OR51B5: variants seen among roughly 807,000 people sequenced by gnomAD.
OR51B5 encodes olfactory receptor 51B5.
For missense variants in OR51B5, 456 were observed against 374.6 expected, an observed-to-expected ratio of 1.22 and a Z score of -1.79; for synonymous variants, 186 against 144.8, an observed-to-expected ratio of 1.28 and a Z score of -2.04.
chr11:5,399,070 G>A (rs1168567238), intron 1 of OR51B5, among the ~76,000 whole-genome samples: 1 of 152,188 alleles, frequency 6.6e-6, no homozygotes, highest in Non-Finnish European at 1.5e-5. Context: ...CTGGCAGAAG[G>A]AGAGGAATCA....
rs1851516182 is a variant in OR51B5, at chr11:5,487,571, TC to T, written n.84+17997del. Among the ~76,000 whole-genome samples, 5 of 152,284 alleles carry T rather than the reference TC, an allele frequency of 3.3e-5. No individual in the cohort carries two copies. In the South Asian group the frequency reaches 1.0e-3, roughly 32 times the overall value. On this transcript the variant is annotated intron_variant and non_coding_transcript_variant, in intron 1 of 4. Coordinates refer to the OR51B5 transcript ENST00000415970. ...AATGTTACAGAATCGGGGCTAAAAT[TC>T]AGATTTCCTGGCATTTCTACTCAGA...
intron 1 of OR51B5, among the ~76,000 whole-genome samples, chr11:5,501,723 A>G (rs1564834822): frequency 6.7e-6 from 1 of 148,362 alleles, no homozygotes; most frequent in African/African-American, 2.4e-5. Context: ...TTATATGCAC[A>G]GAATTTACCA....
chr11:5,341,367 A>G (rs1234071418), downstream of OR51B5: 3 of 152,208 alleles, frequency 2.0e-5, no homozygotes, highest in Non-Finnish European at 4.4e-5. Context: ...AACAACCTGC[A>G]GAAAGCAGAA....
chr11:5,478,881 C>T (rs912364680), intron 1 of OR51B5, among the ~76,000 whole-genome samples: 7 of 150,744 alleles, frequency 4.6e-5, no homozygotes, highest in African/African-American at 1.7e-4. Flanking sequence ...AAATCTACGT[C>T]TGATTGGTGG....
intron 1 of OR51B5, among the ~76,000 whole-genome samples, chr11:5,485,881 G>A (rs1404272932): frequency 6.6e-6 from 1 of 152,084 alleles, no homozygotes; most frequent in Non-Finnish European, 1.5e-5. Context: ...ATCTCAGAAT[G>A]TGACTGTATT....
At position 5,343,298 on chromosome 11, in the gene OR51B5, A is replaced by T. The variant is rs370740392; in HGVS notation, c.227T>A (p.Met76Lys). Residue 76 changes from methionine (M) to lysine (K), a missense_variant, in exon 1 of 1, where the codon ATG becomes AAG. By Grantham distance (95) the Met-to-Lys change is moderately conservative. Transcript: ENST00000300773. Reference sequence around the variant, plus strand: ...CCAGAGGACTCCCAGCACCGTGGGCATTGTGGTCAGGGCCAGCCCCAGGTC... The same window carrying T: ...CCAGAGGACTCCCAGCACCGTGGGCTTTGTGGTCAGGGCCAGCCCCAGGTC... 6.2e-7 allele frequency: 1 copy of T among 1,612,030 alleles called. No homozygotes were observed.
At chr11:5,464,527 A>C (rs1225916262) in intron 1 of OR51B5, among the ~76,000 whole-genome samples, 3 of 149,224 alleles carry the variant, frequency 2.0e-5, no homozygotes, top group Admixed American at 1.3e-4. Context: ...ATGAGTGAGA[A>C]TATGTGGTGT....
At chr11:5,493,460 A>G (rs1375566000) in intron 1 of OR51B5, among the ~76,000 whole-genome samples, 7 of 152,226 alleles carry the variant, frequency 4.6e-5, no homozygotes, top group African/African-American at 1.7e-4. Flanking sequence ...TCAGATAAAT[A>G]AAGAATTATC....
chr11:5,478,933 C>T (rs1474725787), intron 1 of OR51B5, among the ~76,000 whole-genome samples: 2 of 151,200 alleles, frequency 1.3e-5, no homozygotes, highest in Non-Finnish European at 3.0e-5. Flanking sequence ...TTGGAAAACA[C>T]TCTGCAGGAT....
At chr11:5,471,822 G>A (rs1045491614) in intron 1 of OR51B5, among the ~76,000 whole-genome samples, 10 of 151,846 alleles carry the variant, frequency 6.6e-5, no homozygotes, top group African/African-American at 1.7e-4. Context: ...GCTTCCTCAC[G>A]TCTTATTTTC....
chr11:5,402,909 G>A (rs1401403413), intron 1 of OR51B5: 1 of 471,248 alleles, frequency 2.1e-6, no homozygotes, highest in African/African-American at 2.0e-5. Flanking sequence ...TTTTCCAGAT[G>A]TTCTCCATCC....
intron 1 of OR51B5, among the ~76,000 whole-genome samples, chr11:5,488,047 T>TA (rs1851521950): frequency 6.6e-6 from 1 of 152,188 alleles, no homozygotes; most frequent in East Asian, 1.9e-4. Flanking sequence ...ATCATTAATT[T>TA]AAAACATCAA....
chr11:5,384,141 ATTTT>A (rs915073091), intron 1 of OR51B5, among the ~76,000 whole-genome samples: 1 of 151,426 alleles, frequency 6.6e-6, no homozygotes, highest in Admixed American at 6.6e-5. Context: ...GCCTAATGGG[ATTTT>A]TTTTTCTTTG....
chr11:5,423,076 C>A (rs1850381312), intron 1 of OR51B5: 1 of 1,614,134 alleles, frequency 6.2e-7, no homozygotes, highest in Non-Finnish European at 8.5e-7. Context: ...TGAACCCCAT[C>A]ATTTACAGTG....
chr11:5,410,597 A>G (rs1403537403), intron 1 of OR51B5, among the ~76,000 whole-genome samples: 1 of 152,112 alleles, frequency 6.6e-6, no homozygotes, highest in Non-Finnish European at 1.5e-5. Flanking sequence ...TTGAGAGAGT[A>G]TTTCTTCTAC....
At chr11:5,361,891 T>C (rs1232171857) in intron 1 of OR51B5, among the ~76,000 whole-genome samples, 1 of 152,126 alleles carries the variant, frequency 6.6e-6, no homozygotes, top group East Asian at 1.9e-4. Flanking sequence ...TCTTTGCCTC[T>C]ATGTGTTCTA....
intron 1 of OR51B5, among the ~76,000 whole-genome samples, chr11:5,414,156 C>A (rs1255122439): frequency 6.6e-6 from 1 of 151,592 alleles, no homozygotes; most frequent in Non-Finnish European, 1.5e-5. Flanking sequence ...GAATTTTCAA[C>A]CCAGAATTTC....
chr11:5,414,208 A>C (rs937471675), intron 1 of OR51B5, among the ~76,000 whole-genome samples: 14 of 151,876 alleles, frequency 9.2e-5, no homozygotes, highest in Admixed American at 5.3e-4. Flanking sequence ...GGAGAAATAA[A>C]ATACTTTACA....
chr11:5,417,384 A>G (rs4910787), intron 1 of OR51B5, among the ~76,000 whole-genome samples: 54,981 of 151,820 alleles, frequency 0.36, 10,060 homozygotes, highest in South Asian at 0.4. Flanking sequence ...CTTCAGGTCT[A>G]AAACACCAAA....
Sources: gnomAD v4.1 joint callset for allele counts (sites outside exome capture counted in the v4.1 genomes callset) on GRCh38, gnomAD v4.1.1 for gene constraint, MANE v1.5 for transcripts, NCBI Gene and HGNC (gene_info 2026-07-23, HGNC 2026-07-21) for gene names.